The following ASAH1 variants were observed in gnomAD, a reference collection of about 807,000 sequenced individuals.
ASAH1 encodes the protein N-acylsphingosine amidohydrolase 1.
In ASAH1, 70 loss-of-function variants were observed where a neutral mutation model predicts 59.5. The ratio of observed to expected loss-of-function variants is 1.18; its 90% CI spans 0.97 to 1.43. ASAH1 has a LOEUF of 1.43. ASAH1 is among the 40% of genes most tolerant of loss of function. ASAH1 has a pLI of 0.00. For missense variants in ASAH1, 660 were observed against 482.5 expected (o/e 1.37, Z -3.45); for synonymous variants, 213 against 166.5 (o/e 1.28, Z -2.15).
chr8:18,074,136 A>G (rs914379712), intron 2 of ASAH1, among the ~76,000 whole-genome samples: 1 of 152,212 alleles, frequency 6.6e-6, no homozygotes, highest in Non-Finnish European at 1.5e-5. Flanking sequence ...TCAAACATGG[A>G]AGGCACCTCA....
chr8:18,063,666 G>C, intron 6 of ASAH1: 1 of 169,742 alleles, frequency 5.9e-6, no homozygotes. Context: ...CAAACAATAA[G>C]AAGTAAGAAA....
chr8:18,071,889 G>C (rs1317985123), intron 2 of ASAH1, among the ~76,000 whole-genome samples: 3 of 152,092 alleles, frequency 2.0e-5, no homozygotes, highest in Admixed American at 1.3e-4. Flanking sequence ...ATCTTCCCAC[G>C]ATCAGCTTCA....
Position 18,056,476 on chromosome 8 carries a change from G to C in ASAH1, c.*1058C>G, listed in dbSNP as rs1799474058. On this transcript the variant is annotated 3_prime_UTR_variant, in exon 14 of 14. Transcript: ENST00000637790. ...ACTCTTTCCAGTGACTGTTTATTGA[G>C]TGTCAGGAACACAACTGTGATTATA... 3 of 152,288 alleles carry C rather than the reference G, an allele frequency of 2.0e-5. No individual in the cohort carries two copies. The highest frequency in any genetic ancestry group is 4.2e-4 in the South Asian group (2 of 4,818). The allele number at this position is 152,288 out of a possible 1,614,324, so 9.4% of individuals were successfully genotyped here.
intron 1 of ASAH1, among the ~76,000 whole-genome samples, chr8:18,079,211 T>C (rs1800542105): frequency 6.9e-6 from 1 of 145,790 alleles, no homozygotes; most frequent in East Asian, 2.0e-4. Context: ...AGGTGGAAGT[T>C]GCAGTGAGAC....
chr8:18,083,761 C>T, intron 1 of ASAH1: 2 of 894,706 alleles, frequency 2.2e-6, no homozygotes, highest in Non-Finnish European at 3.3e-6. Flanking sequence ...CTAGGATTTC[C>T]TTTAAAGGAG....
At chr8:18,067,130 G>GCACCTGTGCTGTATATCTAAGACATACAT in intron 5 of ASAH1, 90 bp downstream of exon 5, 4 of 566,058 alleles carry the variant, frequency 7.1e-6, no homozygotes, top group Non-Finnish European at 9.6e-6. Context: ...AAGACATACA[G>GCACCTGTGCTGTATATCTAAGACATACAT]CACCTGTGCT....
At chr8:18,064,267 C>G in intron 6 of ASAH1, 190 bp downstream of exon 6, 1 of 606,124 alleles carries the variant, frequency 1.6e-6, no homozygotes, top group Non-Finnish European at 2.9e-6. Context: ...CTTTAATAGG[C>G]AGTACAGTAG....
chr8:18,076,029 C>T (rs192702559), intron 1 of ASAH1: 184 of 234,076 alleles, frequency 7.9e-4, no homozygotes, highest in Admixed American at 3.8e-3. Context: ...GGCCCTTCAT[C>T]ATCTTTCCAT....
In ASAH1 at chr8:18,059,653, G is replaced by C; in HGVS notation, c.836C>G (p.Ala279Gly). 6.2e-7 allele frequency: 1 copy of C among 1,614,158 alleles called. No individual in the cohort carries two copies. Among genetic ancestry groups the C allele is most frequent in the Non-Finnish European group, 8.5e-7 (1 of 1,180,028 alleles). The change falls in exon 11 of 14, where the codon GCC (alanine) becomes GGC (glycine). Residue 279 changes from alanine to glycine, a missense_variant. Ala to Gly is a moderately conservative substitution (Grantham distance 60). Transcript: ENST00000637790. Reference protein sequence around the residue: ...LLTKTKILAPAYFILGGNQSG... With the variant: ...LLTKTKILAPGYFILGGNQSG... Reference sequence around the variant, plus strand: ...CTGGTTGCCTCCCAGGATAAAGTAGGCTGGGGCCAATATCTTGGTCTTGGT... The same window carrying C: ...CTGGTTGCCTCCCAGGATAAAGTAGCCTGGGGCCAATATCTTGGTCTTGGT...
chr8:18,072,032 G>A (rs752557935), intron 2 of ASAH1, among the ~76,000 whole-genome samples: 3 of 152,074 alleles, frequency 2.0e-5, no homozygotes, highest in Non-Finnish European at 4.4e-5. Context: ...TTTAACTTAC[G>A]TGCAGCAATT....
At chr8:18,073,472 G>A (rs1045958901) in intron 2 of ASAH1, among the ~76,000 whole-genome samples, 1 of 152,150 alleles carries the variant, frequency 6.6e-6, no homozygotes, top group Admixed American at 6.5e-5. Context: ...CTACCTAGGT[G>A]GCATGGAAAC....
chr8:18,071,595 G>A (rs1800180564), intron 2 of ASAH1, among the ~76,000 whole-genome samples: 1 of 151,980 alleles, frequency 6.6e-6, no homozygotes, highest in East Asian at 1.9e-4. Flanking sequence ...CAGAAATCCT[G>A]GAATAGAATG....
intron 8 of ASAH1, 107 bp from the exon 9 acceptor site, chr8:18,061,847 G>T: frequency 9.7e-7 from 1 of 1,027,386 alleles, no homozygotes. Flanking sequence ...CTTGGGTAAT[G>T]GGGAAGGCAA....
chr8:18,063,235 T>C lies in ASAH1; in HGVS notation c.458-5A>G, dbSNP rs758950964. Reference sequence around the variant, plus strand: ...TTCTCCCATGTATTAGATGACCTATTTGAAGGTAGACAGAAGAGACGTGTA... The same window carrying C: ...TTCTCCCATGTATTAGATGACCTATCTGAAGGTAGACAGAAGAGACGTGTA... On this transcript the variant is annotated splice_region_variant and splice_polypyrimidine_tract_variant and intron_variant, in intron 6 of 13. Coordinates refer to ENST00000637790, the MANE Select transcript of ASAH1 (RefSeq NM_177924.5). 1.8e-5 allele frequency: 29 copies of C among 1,612,836 alleles called. No homozygotes were observed. The highest frequency in any genetic ancestry group is 2.7e-5 in the African/African-American group (2 of 75,022).
In ASAH1 at chr8:18,062,330, G is replaced by C. The variant is rs751609815; in HGVS notation, c.597C>G (p.Phe199Leu). The change falls in exon 8 of 14, where the codon TTC becomes TTG. Residue 199 changes from phenylalanine to leucine, a missense_variant. By Grantham distance (22) the Phe-to-Leu change is conservative. Transcript: ENST00000637790. ...LDFQRNNKTV[F>L]KASSFAGYVG... ...CATAGCCAGCAAAGCTTGAAGCCTTGAAGACAGTTTTGTTGTTTCTTTGGA... is the reference window on the plus strand; with the variant it reads ...CATAGCCAGCAAAGCTTGAAGCCTTCAAGACAGTTTTGTTGTTTCTTTGGA... The C allele has an allele frequency of 1.2e-6, 2 of 1,614,202 alleles. No individual in the cohort carries two copies. Among genetic ancestry groups the C allele is most frequent in the South Asian group, 2.2e-5 (2 of 91,086 alleles).
intron 1 of ASAH1, among the ~76,000 whole-genome samples, chr8:18,077,343 C>T (rs1203341463): frequency 6.6e-6 from 1 of 152,222 alleles, no homozygotes; most frequent in Non-Finnish European, 1.5e-5. Flanking sequence ...TTGCTCAACT[C>T]CGCCTTTTTC....
chr8:18,064,319 A>AC, intron 6 of ASAH1, 138 bp downstream of exon 6: 2 of 722,448 alleles, frequency 2.8e-6, no homozygotes, highest in East Asian at 5.4e-5. Flanking sequence ...ACAAAATTTT[A>AC]CCAAGAAATA....
At chr8:18,076,242 A>G (rs1589000276) in intron 1 of ASAH1, 3 of 155,078 alleles carry the variant, frequency 1.9e-5, no homozygotes, top group South Asian at 2.0e-4. Context: ...TGAAGTCTTC[A>G]TCTATCTTCC....
intron 1 of ASAH1, among the ~76,000 whole-genome samples, chr8:18,082,765 C>A: frequency 6.6e-6 from 1 of 152,104 alleles, no homozygotes; most frequent in Non-Finnish European, 1.5e-5. Flanking sequence ...AACACTAAAC[C>A]CAATTTGTTC....
Sources: allele counts gnomAD v4.1 joint callset (sites outside exome capture counted in the v4.1 genomes callset), GRCh38; gene constraint gnomAD v4.1.1; transcripts MANE v1.5; gene names NCBI Gene and HGNC (gene_info 2026-07-23, HGNC 2026-07-21).